Variants in PDZRN3 observed in about 807,000 individuals in gnomAD.
PDZRN3 encodes PDZ domain containing ring finger 3.
PDZRN3 carries 38 observed loss-of-function variants against 85.7 expected under a neutral mutation model. That is an observed-to-expected ratio of 0.44 (90% CI 0.34 to 0.58). PDZRN3 has a LOEUF of 0.58. Ranked by LOEUF, PDZRN3 falls within the 20% of genes least tolerant of loss-of-function variation. The probability of loss-of-function intolerance (pLI) is 0.01; values close to 1 mark genes in which losing one functional copy is unlikely to be tolerated. For missense variants in PDZRN3, 1,629 were observed against 1,506.4 expected (o/e 1.08, Z -1.35); for synonymous variants, 759 against 638.0 (o/e 1.19, Z -2.86).
chr3:73,418,442 C>G (rs924150167), intron 3 of PDZRN3, among the ~76,000 whole-genome samples: 2 of 152,130 alleles, frequency 1.3e-5, no homozygotes, highest in African/African-American at 4.8e-5. Context: ...AACTACTGAT[C>G]ATTTCTGGAC....
In PDZRN3 at chr3:73,404,230, T is replaced by A; in HGVS notation, c.1084A>T (p.Ile362Phe). 1 of 1,614,020 alleles carries A rather than the reference T, an allele frequency of 6.2e-7. No homozygotes were observed. The highest frequency in any genetic ancestry group is 8.5e-7 in the Non-Finnish European group (1 of 1,179,984). The change falls in exon 4 of 10, where the codon ATC becomes TTC. Residue 362 changes from isoleucine to phenylalanine, a missense_variant. By Grantham distance (21) the Ile-to-Phe change is conservative. Transcript: ENST00000263666. Reference sequence around the variant, plus strand: ...AGGGCCATGATATGTTCAAAGGTGATGTCGGTTTGGGTTCCCGTGTCCACC... The same window carrying A: ...AGGGCCATGATATGTTCAAAGGTGAAGTCGGTTTGGGTTCCCGTGTCCACC... ...QLVDTGTQTD[I>F]TFEHIMALTK...
intron 3 of PDZRN3, among the ~76,000 whole-genome samples, chr3:73,597,163 T>C (rs542028321): frequency 2.0e-5 from 3 of 152,320 alleles, no homozygotes; most frequent in Admixed American, 2.0e-4. Flanking sequence ...GCAACTTTAG[T>C]GGGTCTCAGA....
intron 3 of PDZRN3, among the ~76,000 whole-genome samples, chr3:73,426,045 A>C (rs1361519328): frequency 6.6e-6 from 1 of 152,148 alleles, no homozygotes; most frequent in Admixed American, 6.5e-5. Flanking sequence ...TAATCAGGTT[A>C]CTTTCTTATT....
chr3:73,550,004 CAA>C (rs1701514398), intron 3 of PDZRN3, among the ~76,000 whole-genome samples: 1 of 152,230 alleles, frequency 6.6e-6, no homozygotes, highest in African/African-American at 2.4e-5. Context: ...GCTGCCTTAG[CAA>C]ACAGAGGGTA....
intron 3 of PDZRN3, among the ~76,000 whole-genome samples, chr3:73,557,868 C>A (rs539239645): frequency 3.9e-5 from 6 of 152,060 alleles, no homozygotes; most frequent in Non-Finnish European, 8.8e-5. Flanking sequence ...TTATGTCTTG[C>A]AGACAAGAGA....
Position 73,446,649 on chromosome 3 carries a change from C to T in PDZRN3, c.919-42254G>A, listed in dbSNP as rs933883234. ...CTCTGTACAAGGATTCAGTTGCTGG[C>T]GGGGACAGAGAGCAACATGTCCCAG... On this transcript the variant is annotated intron_variant, in intron 3 of 9. Coordinates refer to ENST00000263666, the MANE Select transcript of PDZRN3 (RefSeq NM_015009.3). Among the ~76,000 whole-genome samples the T allele has an allele frequency of 3.9e-5, 6 of 152,066 alleles. No homozygotes were observed. The South Asian group carries it at 6.2e-4, about 16-fold the overall frequency.
At chr3:73,520,639 G>T (rs1463462926) in intron 3 of PDZRN3, among the ~76,000 whole-genome samples, 3 of 152,080 alleles carry the variant, frequency 2.0e-5, no homozygotes, top group Admixed American at 6.6e-5. Context: ...GCGGGAAAAG[G>T]AAAAAGGAGG....
At chr3:73,443,538 T>C (rs1357725782) in intron 3 of PDZRN3, among the ~76,000 whole-genome samples, 1 of 146,334 alleles carries the variant, frequency 6.8e-6, no homozygotes, top group East Asian at 2.0e-4. Context: ...CAGGCTGGAG[T>C]TCAGTGGTAC....
At chr3:73,428,720 G>A (rs149891063) in intron 3 of PDZRN3, among the ~76,000 whole-genome samples, 175 of 152,150 alleles carry the variant, frequency 1.2e-3, no homozygotes, top group Non-Finnish European at 1.3e-3. Context: ...ACCCTAGGTC[G>A]TTTCTTTTCA....
At chr3:73,574,697 G>T (rs1702097922) in intron 3 of PDZRN3, among the ~76,000 whole-genome samples, 1 of 152,208 alleles carries the variant, frequency 6.6e-6, no homozygotes, top group Non-Finnish European at 1.5e-5. Context: ...GACTTCAAGT[G>T]ATTCACCCGC....
intron 3 of PDZRN3, among the ~76,000 whole-genome samples, chr3:73,578,916 T>C (rs2106863597): frequency 6.6e-6 from 1 of 152,314 alleles, no homozygotes; most frequent in East Asian, 1.9e-4. Flanking sequence ...TTAAACACAG[T>C]TCCTCTTAGC....
intron 3 of PDZRN3, among the ~76,000 whole-genome samples, chr3:73,464,377 G>A (rs1022549957): frequency 1.3e-5 from 2 of 152,022 alleles, no homozygotes; most frequent in African/African-American, 2.4e-5. Context: ...ATTCTAGTTG[G>A]TTATTATTGG....
chr3:73,581,983 C>T (rs1423513050), intron 3 of PDZRN3, among the ~76,000 whole-genome samples: 1 of 55,880 alleles, frequency 1.8e-5, no homozygotes, highest in Non-Finnish European at 4.7e-5. Flanking sequence ...GCCTGTGGTA[C>T]CAGCTACCCA....
intron 3 of PDZRN3, among the ~76,000 whole-genome samples, chr3:73,442,543 G>A (rs147753653): frequency 1.1e-3 from 172 of 152,264 alleles, no homozygotes; most frequent in African/African-American, 4.0e-3. Context: ...AGGAACACTA[G>A]GTGTTACAAA....
At chr3:73,537,827 T>C (rs187185714) in intron 3 of PDZRN3, among the ~76,000 whole-genome samples, 1 of 151,306 alleles carries the variant, frequency 6.6e-6, no homozygotes, top group East Asian at 2.0e-4. Flanking sequence ...GGTTTCACTG[T>C]GTCGGCCAGG....
chr3:73,422,430 C>T (rs1399557495), intron 3 of PDZRN3, among the ~76,000 whole-genome samples: 1 of 152,130 alleles, frequency 6.6e-6, no homozygotes, highest in Non-Finnish European at 1.5e-5. Context: ...GGATATAACT[C>T]ATGCATTTAA....
intron 3 of PDZRN3, among the ~76,000 whole-genome samples, chr3:73,452,837 A>ATC (rs1380001915): frequency 4.3e-4 from 19 of 43,966 alleles, no homozygotes; most frequent in East Asian, 1.8e-3. Context: ...CGGTCCATAT[A>ATC]TCTGTGTGTG....
At chr3:73,460,646 T>C (rs1440383223) in intron 3 of PDZRN3, among the ~76,000 whole-genome samples, 2 of 152,242 alleles carry the variant, frequency 1.3e-5, no homozygotes, top group Non-Finnish European at 2.9e-5. Context: ...GCATTGAATA[T>C]AGCATGAAGG....
intron 3 of PDZRN3, among the ~76,000 whole-genome samples, chr3:73,417,399 G>GAGTT (rs1390331231): frequency 6.6e-6 from 1 of 152,184 alleles, no homozygotes; most frequent in East Asian, 1.9e-4. Context: ...TTATTCTACT[G>GAGTT]AGTTATGACA....
Sources: allele counts gnomAD v4.1 joint callset (sites outside exome capture counted in the v4.1 genomes callset), GRCh38; gene constraint gnomAD v4.1.1; transcripts MANE v1.5; gene names NCBI Gene and HGNC (gene_info 2026-07-23, HGNC 2026-07-21).